Variants in PARD6G observed in about 807,000 individuals in gnomAD.
PARD6G encodes par-6 family cell polarity regulator gamma.
Under a neutral mutation model 10.7 loss-of-function variants are expected in PARD6G, and 7 were observed. The observed-to-expected ratio is 0.66, with a 90% confidence interval of 0.37 to 1.23. PARD6G has a LOEUF of 1.23. Ranked by LOEUF, PARD6G falls within the 50% of genes most tolerant of loss-of-function variation. The pLI, the probability that PARD6G is intolerant of heterozygous loss-of-function variation, is 0.02. For missense variants in PARD6G, 548 were observed against 571.8 expected (o/e 0.96, Z 0.42); for synonymous variants, 287 against 269.4 (o/e 1.07, Z -0.64).
Position 80,159,029 on chromosome 18 carries a change from C to G in PARD6G, c.*742G>C, listed in dbSNP as rs1246820243. ...CCCGAGACAGAGTCTTGCTCTGTCA[C>G]CCAGGCTGGAGTGCAGTGGTGCGAT... On this transcript the variant is annotated 3_prime_UTR_variant, in exon 3 of 3. Coordinates refer to ENST00000353265, the MANE Select transcript of PARD6G (RefSeq NM_032510.4). 1.3e-5 allele frequency: 2 copies of G among 151,452 alleles called. No individual in the cohort carries two copies. The highest frequency in any genetic ancestry group is 4.9e-5 in the African/African-American group (2 of 41,162). 9.4% of individuals were successfully genotyped at this position (151,452 alleles called of 1,614,324 possible). A position where few individuals can be genotyped will look rare whatever the true frequency, so the allele number is the denominator to read the frequency against.
intron 1 of PARD6G, among the ~76,000 whole-genome samples, chr18:80,227,180 T>C (rs1967301461): frequency 6.6e-6 from 1 of 152,216 alleles, no homozygotes. Context: ...AGGGCTAGTC[T>C]TGAATTCCTG....
In PARD6G at chr18:80,161,848, G is replaced by C. The variant is rs1373374979; in HGVS notation, c.296-1242C>G. 1 of 152,298 alleles carries C rather than the reference G, an allele frequency of 6.6e-6. No individual in the cohort carries two copies. The highest frequency in any genetic ancestry group is 1.5e-5 in the Non-Finnish European group (1 of 68,102). 9.4% of individuals were successfully genotyped at this position (152,298 alleles called of 1,614,324 possible). A position where few individuals can be genotyped will look rare whatever the true frequency, so the allele number is the denominator to read the frequency against. On this transcript the variant is annotated intron_variant, in intron 2 of 2. Coordinates refer to ENST00000353265, the MANE Select transcript of PARD6G (RefSeq NM_032510.4). The surrounding 1 kb of genome is among the most constrained non-coding windows in gnomAD (Gnocchi z 4.6). ...CCTCCAGGCTCCAGGGGTCAGTCTGGCTTCTGCATTTCAGTGAGCAGGCAG... is the reference window on the plus strand; with the variant it reads ...CCTCCAGGCTCCAGGGGTCAGTCTGCCTTCTGCATTTCAGTGAGCAGGCAG...
Position 80,160,301 on chromosome 18 carries a change from C to A in PARD6G, c.601G>T (p.Gly201Trp). ...PGIFISRMVP[G>W]GLAESTGLLA... ...AGCCCGGTGCTCTCCGCCAGGCCCC[C>A]GGGTACCATGCGCGAGATGAAGATG... The change falls in exon 3 of 3, where the codon GGG becomes TGG. Residue 201 changes from glycine (G) to tryptophan (W), a missense_variant. This residue lies in a region of PARD6G where 313 missense variants were observed against 279.9 expected (regional missense o/e 1.12). Coordinates refer to ENST00000353265, the MANE Select transcript of PARD6G (RefSeq NM_032510.4). 1.9e-6 allele frequency: 3 copies of A among 1,612,296 alleles called. No homozygotes were observed. Among genetic ancestry groups the A allele is most frequent in the Non-Finnish European group, 2.5e-6 (3 of 1,179,850 alleles).
At chr18:80,177,296 ACACACG>A (rs2052818113) in intron 2 of PARD6G, among the ~76,000 whole-genome samples, 1 of 147,840 alleles carries the variant, frequency 6.8e-6, no homozygotes, top group African/African-American at 2.5e-5. Flanking sequence ...ACACGCACAC[ACACACG>A]GGATAAATCA....
chr18:80,195,878 A>G (rs1966952050), intron 2 of PARD6G, among the ~76,000 whole-genome samples: 1 of 128,466 alleles, frequency 7.8e-6, no homozygotes, highest in Non-Finnish European at 1.7e-5. Flanking sequence ...CCATCTCAAG[A>G]AAAAAAAAAG....
In PARD6G at chr18:80,228,922, T is replaced by C. The variant is rs1044029046; in HGVS notation, c.72+18355A>G. Among the ~76,000 whole-genome samples, 1 of 152,354 alleles carries C rather than the reference T, an allele frequency of 6.6e-6. No individual in the cohort carries two copies. Among genetic ancestry groups the C allele is most frequent in the East Asian group, 1.9e-4 (1 of 5,190 alleles). ...AGCACATTTCCAGGTGGAGATATGA[T>C]GAAGCTAACAGAAGTGGGACTTATT... On this transcript the variant is annotated intron_variant, in intron 1 of 2. Transcript: ENST00000353265. This position sits in a 1 kb window ranked among gnomAD's most constrained non-coding sequence, Gnocchi z 4.6.
At chr18:80,186,012 TCA>T (rs1334908894) in intron 2 of PARD6G, among the ~76,000 whole-genome samples, 3 of 116,220 alleles carry the variant, frequency 2.6e-5, no homozygotes, top group African/African-American at 3.4e-5. Context: ...TCGCACACCC[TCA>T]CACACGCATA....
rs926866607 is a variant in PARD6G at position 80,161,152 on chromosome 18, C to T, written c.296-546G>A. Among the ~76,000 whole-genome samples the T allele has an allele frequency of 6.6e-5, 10 of 152,180 alleles. No individual in the cohort carries two copies. Among genetic ancestry groups the T allele is most frequent in the African/African-American group, 2.2e-4 (9 of 41,434 alleles). On this transcript the variant is annotated intron_variant, in intron 2 of 2. Coordinates refer to ENST00000353265, the MANE Select transcript of PARD6G (RefSeq NM_032510.4). The surrounding 1 kb of genome is among the most constrained non-coding windows in gnomAD (Gnocchi z 4.6). ...TGTGTCACTCAGTCGGGCGTGTGAG[C>T]ATTTCCCTGCGTTTTTGGTTAGCAG...
intron 1 of PARD6G, among the ~76,000 whole-genome samples, chr18:80,213,634 C>T (rs953504863): frequency 3.3e-5 from 5 of 152,146 alleles, no homozygotes; most frequent in Non-Finnish European, 7.4e-5. Flanking sequence ...AACAACAAAA[C>T]CCTTGAGAAG....
chr18:80,196,190 A>C (rs1289879519), intron 2 of PARD6G, among the ~76,000 whole-genome samples: 1 of 152,242 alleles, frequency 6.6e-6, no homozygotes, highest in Non-Finnish European at 1.5e-5. Context: ...ATACATCTAC[A>C]AAAAGACAAA....
chr18:80,194,426 T>A (rs866647768), intron 2 of PARD6G, among the ~76,000 whole-genome samples: 7 of 152,250 alleles, frequency 4.6e-5, no homozygotes, highest in Non-Finnish European at 1.0e-4. Context: ...AGTGTCATCA[T>A]GTATAAAAGG....
rs2052801850 is a variant in PARD6G, at chr18:80,175,329, G to A, written c.296-14723C>T. Among the ~76,000 whole-genome samples, 1 of 152,160 alleles carries A rather than the reference G, an allele frequency of 6.6e-6. No individual in the cohort carries two copies. Among genetic ancestry groups the A allele is most frequent in the South Asian group, 2.1e-4 (1 of 4,830 alleles). On this transcript the variant is annotated intron_variant, in intron 2 of 2. Transcript: ENST00000353265. The surrounding 1 kb of genome is among the most constrained non-coding windows in gnomAD (Gnocchi z 6.7). Reference sequence around the variant, plus strand: ...TTTATTTCTAACAGTTCTGGAGGCTGGAAAGTCCCATATCAAGGTCCGGCT... The same window carrying A: ...TTTATTTCTAACAGTTCTGGAGGCTAGAAAGTCCCATATCAAGGTCCGGCT...
intron 1 of PARD6G, among the ~76,000 whole-genome samples, chr18:80,230,359 A>G (rs1275563427): frequency 1.3e-5 from 2 of 152,240 alleles, no homozygotes; most frequent in Non-Finnish European, 2.9e-5. Context: ...AAAGAAATAC[A>G]GGCGGTCATC....
chr18:80,243,716 G>C (rs868701115), intron 1 of PARD6G, among the ~76,000 whole-genome samples: 4 of 152,176 alleles, frequency 2.6e-5, no homozygotes, highest in South Asian at 2.1e-4. Flanking sequence ...GAGAAAGTTT[G>C]TTCTGGCACA....
chr18:80,247,420 G>T lies in PARD6G; in HGVS notation c.-72C>A. The T allele has an allele frequency of 7.9e-7, 1 of 1,264,044 alleles. No individual in the cohort carries two copies. The highest frequency in any genetic ancestry group is 1.1e-6 in the Non-Finnish European group (1 of 940,954). The allele number at this position is 1,264,044 out of a possible 1,614,324, so 78.3% of individuals were successfully genotyped here. A position where few individuals can be genotyped will look rare whatever the true frequency, so the allele number is the denominator to read the frequency against. On this transcript the variant is annotated 5_prime_UTR_variant, in exon 1 of 3. Transcript: ENST00000353265. The surrounding 1 kb of genome is among the most constrained non-coding windows in gnomAD (Gnocchi z 4.2). ...CCGCAGAAAGACTCCCGGGGGCGGCGCCCCCAGGCCCCGGCCCCGGCCCCG... is the reference window on the plus strand; with the variant it reads ...CCGCAGAAAGACTCCCGGGGGCGGCTCCCCCAGGCCCCGGCCCCGGCCCCG...
chr18:80,204,061 A>T (rs1967033778), intron 1 of PARD6G, among the ~76,000 whole-genome samples: 1 of 151,990 alleles, frequency 6.6e-6, no homozygotes, highest in Admixed American at 6.6e-5. Context: ...GCTCCAGGAT[A>T]CCCTCCAAGA....
chr18:80,221,086 G>T (rs1967223244), intron 1 of PARD6G, among the ~76,000 whole-genome samples: 2 of 151,598 alleles, frequency 1.3e-5, no homozygotes. Flanking sequence ...GAATTATCTG[G>T]GTCTGGACTT....
rs1190999868 is a variant in PARD6G, at chr18:80,228,277, G to A, written c.72+19000C>T. On this transcript the variant is annotated intron_variant, in intron 1 of 2. Transcript: ENST00000353265. The surrounding 1 kb of genome is among the most constrained non-coding windows in gnomAD (Gnocchi z 4.6). ...ACCCCAAGTGAAAACTGCGGAAGCC[G>A]CCATGGGGAGGTGAGGGGAGGTGAG... 6.6e-5 allele frequency among the ~76,000 whole-genome samples: 10 copies of A among 151,732 alleles called. No individual in the cohort carries two copies. Among genetic ancestry groups the A allele is most frequent in the Middle Eastern group, 3.4e-3 (1 of 294 alleles).
intron 1 of PARD6G, among the ~76,000 whole-genome samples, chr18:80,218,325 G>C (rs933895604): frequency 1.3e-5 from 2 of 152,068 alleles, no homozygotes; most frequent in Middle Eastern, 3.2e-3. Context: ...TGGAGGTACA[G>C]GCATTGGGTA....
Sources: gnomAD v4.1 joint callset for allele counts (sites outside exome capture counted in the v4.1 genomes callset) on GRCh38, gnomAD v4.1.1 for gene constraint, gnomAD v4.1.1 regional missense constraint, Gnocchi (gnomAD v3.1) non-coding constraint, MANE v1.5 for transcripts, NCBI Gene and HGNC (gene_info 2026-07-23, HGNC 2026-07-21) for gene names.